TTC29: variants seen among roughly 807,000 people sequenced by gnomAD.
The protein encoded by TTC29 is tetratricopeptide repeat domain 29.
A neutral mutation model predicts 58.1 loss-of-function variants in TTC29; 49 were observed. The ratio of observed to expected loss-of-function variants is 0.84; its 90% CI spans 0.67 to 1.07. TTC29 has a LOEUF of 1.07. TTC29 is among the 50% of genes least tolerant of loss of function. TTC29 has a pLI of 0.00. For synonymous variants in TTC29, 209 were observed against 196.8 expected (o/e 1.06, Z -0.52); for missense variants, 582 against 555.6 (o/e 1.05, Z -0.48).
rs1731142445 is a variant in TTC29 at position 146,874,741 on chromosome 4, T to C, written c.774A>G (p.Ile258Met). The C allele has an allele frequency of 6.2e-7, 1 of 1,605,736 alleles. No homozygotes were observed. The highest frequency in any genetic ancestry group is 1.1e-5 in the South Asian group (1 of 89,890). Reference sequence around the variant, plus strand: ...CTTCTTTGGCTATTTCAGAAGCTTTTATTAGAATTTTGATGGCCTGTTTGT... The same window carrying C: ...CTTCTTTGGCTATTTCAGAAGCTTTCATTAGAATTTTGATGGCCTGTTTGT... ...KEYKQAIKIL[I>M]KASEIAKEGS... Residue 258 changes from isoleucine to methionine, a missense_variant, in exon 7 of 13, where the codon ATA (isoleucine) becomes ATG (methionine). Physicochemically the swap from Ile to Met is conservative, Grantham distance 10. Transcript: ENST00000325106.
intron 4 of TTC29, among the ~76,000 whole-genome samples, chr4:146,929,958 T>C (rs1448215551): frequency 6.6e-6 from 1 of 151,090 alleles, no homozygotes; most frequent in African/African-American, 2.4e-5. Flanking sequence ...TTGGGATTAA[T>C]AGTTAAAGCA....
At chr4:146,808,461 C>T (rs1329146075) in intron 10 of TTC29, among the ~76,000 whole-genome samples, 1 of 152,186 alleles carries the variant, frequency 6.6e-6, no homozygotes, top group East Asian at 1.9e-4. Context: ...TCTCTGTTTG[C>T]AGATGACATG....
chr4:146,870,229 A>G (rs1730842954), intron 7 of TTC29, among the ~76,000 whole-genome samples: 1 of 152,082 alleles, frequency 6.6e-6, no homozygotes, highest in Non-Finnish European at 1.5e-5. Context: ...ACTTGCACGT[A>G]TGTGGAAATT....
chr4:146,733,159 G>A (rs1485939913), intron 11 of TTC29, among the ~76,000 whole-genome samples: 2 of 152,080 alleles, frequency 1.3e-5, no homozygotes, highest in East Asian at 3.9e-4. Context: ...GCATATGGGA[G>A]TCTTGGGAGA....
intron 9 of TTC29, chr4:146,831,640 C>G: frequency 2.4e-6 from 1 of 409,006 alleles, no homozygotes; most frequent in Non-Finnish European, 5.0e-6. Context: ...CATCAGATTA[C>G]CTGGTAGTGC....
At chr4:146,804,478 C>A (rs1402428559) in intron 10 of TTC29, among the ~76,000 whole-genome samples, 1 of 152,224 alleles carries the variant, frequency 6.6e-6, no homozygotes, top group Non-Finnish European at 1.5e-5. Flanking sequence ...AAACTAAGAT[C>A]CACTGGTTTG....
intron 4 of TTC29, among the ~76,000 whole-genome samples, chr4:146,909,477 T>A (rs1733753933): frequency 6.6e-6 from 1 of 152,206 alleles, no homozygotes; most frequent in African/African-American, 2.4e-5. Flanking sequence ...TGAAATTACA[T>A]TATAAACATA....
chr4:146,895,238 A>G (rs1355431812), intron 6 of TTC29, among the ~76,000 whole-genome samples: 1 of 152,122 alleles, frequency 6.6e-6, no homozygotes, highest in Non-Finnish European at 1.5e-5. Context: ...TTACTGAGTT[A>G]GCCTGGCAGG....
intron 11 of TTC29, among the ~76,000 whole-genome samples, chr4:146,728,774 C>T (rs1377728845): frequency 3.2e-5 from 4 of 124,046 alleles, no homozygotes; most frequent in East Asian, 4.7e-4. Context: ...TATATATACA[C>T]ATATATATGT....
At chr4:146,806,919 A>G (rs1054669239) in intron 10 of TTC29, among the ~76,000 whole-genome samples, 2 of 152,208 alleles carry the variant, frequency 1.3e-5, no homozygotes, top group Non-Finnish European at 2.9e-5. Flanking sequence ...CTCCACCCCA[A>G]ATCAACAGAA....
At chr4:146,840,822 A>G (rs1164873618) in intron 8 of TTC29, among the ~76,000 whole-genome samples, 2 of 152,168 alleles carry the variant, frequency 1.3e-5, no homozygotes, top group Non-Finnish European at 2.9e-5. Flanking sequence ...TTAAAGGAAT[A>G]ATAGAATTGG....
intron 9 of TTC29, chr4:146,831,553 C>T (rs1485807928): frequency 1.2e-5 from 3 of 250,480 alleles, no homozygotes; most frequent in Non-Finnish European, 2.5e-5. Context: ...ACAAATTCAA[C>T]TTCATGATAT....
At chr4:146,836,292 C>T (rs1579794601) in intron 8 of TTC29, among the ~76,000 whole-genome samples, 1 of 151,976 alleles carries the variant, frequency 6.6e-6, no homozygotes, top group Non-Finnish European at 1.5e-5. Flanking sequence ...GTGGGTATTT[C>T]CTTAAACAAT....
At chr4:146,882,457 C>T (rs1052274177) in intron 6 of TTC29, among the ~76,000 whole-genome samples, 1 of 152,082 alleles carries the variant, frequency 6.6e-6, no homozygotes, top group South Asian at 2.1e-4. Context: ...CTATTTTCCT[C>T]ATATAATAAA....
At chr4:146,793,277 T>C (rs1266470526) in intron 11 of TTC29, among the ~76,000 whole-genome samples, 1 of 152,156 alleles carries the variant, frequency 6.6e-6, no homozygotes, top group Non-Finnish European at 1.5e-5. Flanking sequence ...AGTCAATCAA[T>C]GTGACAAACT....
intron 4 of TTC29, among the ~76,000 whole-genome samples, chr4:146,935,320 AG>A (rs896801602): frequency 2.6e-5 from 4 of 152,194 alleles, no homozygotes; most frequent in African/African-American, 9.6e-5. Flanking sequence ...GGGATATCAA[AG>A]CCAGTGTACA....
rs550091286 is a variant in TTC29, at chr4:146,833,509, T to TTTC, written c.977+294_977+296dup. On this transcript the variant is annotated intron_variant, in intron 9 of 12. Transcript: ENST00000325106. ...TACTACATATTTCTGTGCTGTCTGC[T>TTTC]TTCTTAACTTGTGAGATGTGACCCG... 9.1e-3 allele frequency among the ~76,000 whole-genome samples: 1,392 copies of TTTC among 152,366 alleles called. 22 individuals carry two copies. The highest frequency in any genetic ancestry group is 0.011 in the Non-Finnish European group (777 of 68,028).
chr4:146,813,705 G>T (rs1383750445), intron 10 of TTC29, among the ~76,000 whole-genome samples: 2 of 152,280 alleles, frequency 1.3e-5, no homozygotes, highest in Middle Eastern at 3.4e-3. Flanking sequence ...ATAGAGGCTG[G>T]GCATGGTGGT....
At chr4:146,922,277 A>C (rs1322604422) in intron 4 of TTC29, among the ~76,000 whole-genome samples, 1 of 151,392 alleles carries the variant, frequency 6.6e-6, no homozygotes, top group Non-Finnish European at 1.5e-5. Context: ...CCCTAACAAA[A>C]CAAATATTAT....
Sources: allele counts gnomAD v4.1 joint callset (sites outside exome capture counted in the v4.1 genomes callset), GRCh38; gene constraint gnomAD v4.1.1; transcripts MANE v1.5; gene names NCBI Gene and HGNC (gene_info 2026-07-23, HGNC 2026-07-21).